The following TRIM37 variants were observed in gnomAD, a reference collection of about 807,000 sequenced individuals.
The protein encoded by TRIM37 is E3 ubiquitin-protein ligase TRIM37.
Under a neutral mutation model 129.8 loss-of-function variants are expected in TRIM37, and 80 were observed. That is an observed-to-expected ratio of 0.62 (90% confidence interval 0.51 to 0.74). The LOEUF (loss-of-function observed/expected upper bound fraction) is 0.74, where lower values mean the gene tolerates loss of function less well. Among genes scored for constraint, TRIM37 ranks in the 30% least tolerant of loss-of-function variants. The pLI is 0.00. For synonymous variants in TRIM37, 389 were observed against 387.1 expected, an observed-to-expected ratio of 1.00 and a Z score of -0.06; for missense variants, 1,054 against 1,176.5, an observed-to-expected ratio of 0.90 and a Z score of 1.52.
intron 10 of TRIM37, among the ~76,000 whole-genome samples, chr17:59,063,466 C>T (rs1309841706): frequency 1.3e-5 from 2 of 152,196 alleles, no homozygotes; most frequent in Non-Finnish European, 2.9e-5. Flanking sequence ...GCTTAAGCCA[C>T]CATGCCCTGC....
intron 5 of TRIM37, among the ~76,000 whole-genome samples, chr17:59,082,230 C>T (rs1293844758): frequency 2.0e-5 from 3 of 152,024 alleles, no homozygotes; most frequent in South Asian, 4.1e-4. Context: ...GAGATCACCC[C>T]ACTGCACTCC....
chr17:59,105,990 T>G (rs1177935417), intron 1 of TRIM37, among the ~76,000 whole-genome samples: 1 of 152,198 alleles, frequency 6.6e-6, no homozygotes, highest in Non-Finnish European at 1.5e-5. Flanking sequence ...TGAGATAATA[T>G]ATGCTGATTC....
intron 2 of TRIM37, among the ~76,000 whole-genome samples, chr17:59,102,097 A>G (rs2045570435): frequency 6.6e-6 from 1 of 152,222 alleles, no homozygotes; most frequent in Non-Finnish European, 1.5e-5. Context: ...TAGAAGGACA[A>G]GACATCCAAA....
intron 1 of TRIM37, among the ~76,000 whole-genome samples, chr17:59,105,633 T>A (rs1328548717): frequency 6.6e-6 from 1 of 152,170 alleles, no homozygotes; most frequent in Non-Finnish European, 1.5e-5. Flanking sequence ...TATGAGGAAT[T>A]AAGGAGAAAA....
At chr17:59,059,893 G>A (rs1234787950) in intron 12 of TRIM37, among the ~76,000 whole-genome samples, 1 of 152,132 alleles carries the variant, frequency 6.6e-6, no homozygotes, top group Non-Finnish European at 1.5e-5. Context: ...TCTCCACCGT[G>A]GCAGGTTGCA....
rs886053184 is a variant in TRIM37 at position 59,106,850 on chromosome 17, C to G, written c.-389G>C. ...TCGCAAACACCAACCGTAACCAGAG[C>G]AGCTGGGGGCGCGGCGGCGAGAGAA... On this transcript the variant is annotated 5_prime_UTR_variant, in exon 1 of 24. Transcript: ENST00000262294. 8.4e-6 allele frequency: 3 copies of G among 358,324 alleles called. No homozygotes were observed. The highest frequency in any genetic ancestry group is 6.2e-5 in the East Asian group (1 of 16,052). The allele number at this position is 358,324 out of a possible 1,614,324, so 22.2% of individuals were successfully genotyped here. A position where few individuals can be genotyped will look rare whatever the true frequency, so the allele number is the denominator to read the frequency against.
chr17:58,999,503 A>G (rs2144410962), intron 23 of TRIM37, 44 bp from the exon 24 acceptor site: 1 of 1,485,476 alleles, frequency 6.7e-7, no homozygotes, highest in Non-Finnish European at 9.2e-7. Flanking sequence ...TTAAAAGCAT[A>G]TAACAAGGGC....
At chr17:59,030,360 G>A (rs2037716705) in intron 18 of TRIM37, among the ~76,000 whole-genome samples, 1 of 152,182 alleles carries the variant, frequency 6.6e-6, no homozygotes, top group Non-Finnish European at 1.5e-5. Context: ...ACCCGCCTCA[G>A]CCTCCCCAAG....
intron 18 of TRIM37, among the ~76,000 whole-genome samples, 197 bp from the exon 19 acceptor site, chr17:59,028,920 A>G (rs1210072780): frequency 6.6e-6 from 1 of 152,208 alleles, no homozygotes; most frequent in Non-Finnish European, 1.5e-5. Flanking sequence ...CAGAGTTAGA[A>G]TCTGAGTCAC....
At chr17:58,980,483 C>G, downstream of TRIM37, 9 of 1,614,172 alleles carry the variant, frequency 5.6e-6, no homozygotes, top group Non-Finnish European at 6.8e-6. The surrounding 1 kb of genome is among the most constrained non-coding windows in gnomAD (Gnocchi z 4.7). Flanking sequence ...AGATCTCACA[C>G]AAATAGAAGC....
chr17:59,023,008 A>C (rs537828007), intron 19 of TRIM37, among the ~76,000 whole-genome samples: 3 of 152,274 alleles, frequency 2.0e-5, no homozygotes, highest in Middle Eastern at 3.4e-3. Flanking sequence ...GAAAGATTGA[A>C]TATATTACTA....
chr17:59,002,024 ACT>A (rs1300589230), intron 22 of TRIM37, among the ~76,000 whole-genome samples: 3 of 151,664 alleles, frequency 2.0e-5, no homozygotes, highest in Non-Finnish European at 4.4e-5. Context: ...CAAATCAAAC[ACT>A]GTTTTTTTTT....
chr17:59,064,638 G>A (rs556846450), intron 9 of TRIM37, among the ~76,000 whole-genome samples: 16 of 152,156 alleles, frequency 1.1e-4, no homozygotes, highest in Non-Finnish European at 1.9e-4. Context: ...GCTGGGTGAG[G>A]TGGCTCACCC....
the TRIM37 span, among the ~76,000 whole-genome samples, chr17:58,974,481 A>C: frequency 6.6e-6 from 1 of 152,346 alleles, no homozygotes; most frequent in East Asian, 1.9e-4. Flanking sequence ...TTGGCTGGAC[A>C]AAATACAAGG....
rs746722920 is a variant in TRIM37 at position 59,017,367 on chromosome 17, A to G, written c.2315T>C (p.Leu772Pro). 6.2e-7 allele frequency: 1 copy of G among 1,614,164 alleles called. No individual in the cohort carries two copies. Among genetic ancestry groups the G allele is most frequent in the East Asian group, 2.2e-5 (1 of 44,872 alleles). ...AGGGTCCACTGCTCTTCGAAGTGAT[A>G]GACTACCTGCTACACTGGATCGAGC... ...KPARSSVAGSLSLRRAVDPGE... is the reference protein window; with the variant it reads ...KPARSSVAGSPSLRRAVDPGE... The change falls in exon 20 of 24, where the codon CTA becomes CCA. Residue 772 changes from leucine (L) to proline (P), a missense_variant. Physicochemically the swap from Leu to Pro is moderately conservative, Grantham distance 98. Coordinates refer to ENST00000262294, the MANE Select transcript of TRIM37 (RefSeq NM_015294.6).
chr17:59,036,645 T>TTTC (rs2038546778), intron 17 of TRIM37, among the ~76,000 whole-genome samples: 1 of 152,068 alleles, frequency 6.6e-6, no homozygotes, highest in African/African-American at 2.4e-5. Flanking sequence ...TCAATAAATA[T>TTTC]TTCTTGTTTC....
At chr17:59,036,594 G>A (rs1599050087) in intron 17 of TRIM37, among the ~76,000 whole-genome samples, 1 of 151,790 alleles carries the variant, frequency 6.6e-6, no homozygotes, top group South Asian at 2.1e-4. Context: ...GTGATCCTAC[G>A]GCCACAGTCT....
In TRIM37 at chr17:59,028,564, C is replaced by G; in HGVS notation, c.2108G>C (p.Ser703Thr). 1 of 1,614,222 alleles carries G rather than the reference C, an allele frequency of 6.2e-7. No individual in the cohort carries two copies. ...KNTLSEIKSS[S>T]AASGDMQTSL... ...TGTCTGCATGTCTCCAGAAGCAGCA[C>G]TGCTGCTTTTTATTTCTGAAAGTGT... Residue 703 changes from serine to threonine, a missense_variant, in exon 19 of 24, where the codon AGT becomes ACT. Transcript: ENST00000262294.
chr17:58,972,513 G>A, the TRIM37 span, among the ~76,000 whole-genome samples: 1 of 152,136 alleles, frequency 6.6e-6, no homozygotes, highest in African/African-American at 2.4e-5. Context: ...ACCACGCCCA[G>A]CTAATTTTTG....
Sources: allele counts gnomAD v4.1 joint callset (sites outside exome capture counted in the v4.1 genomes callset), GRCh38; gene constraint gnomAD v4.1.1; non-coding constraint Gnocchi (gnomAD v3.1); transcripts MANE v1.5; gene names NCBI Gene and HGNC (gene_info 2026-07-23, HGNC 2026-07-21).